LETM1: variants seen among roughly 807,000 people sequenced by gnomAD.
LETM1 encodes the protein leucine zipper and EF-hand containing transmembrane protein 1, also known as mitochondrial proton/calcium exchanger protein.
LETM1 carries 50 observed loss-of-function variants against 74.5 expected under a neutral mutation model. The ratio of observed to expected loss-of-function variants is 0.67; its 90% CI spans 0.53 to 0.85. LETM1 has a LOEUF of 0.85. Among genes scored for constraint, LETM1 ranks in the 40% least tolerant of loss-of-function variants. The pLI is 0.00. For synonymous variants in LETM1, 446 were observed against 407.1 expected, an observed-to-expected ratio of 1.10 and a Z score of -1.15; for missense variants, 824 against 967.8, an observed-to-expected ratio of 0.85 and a Z score of 1.97.
At chr4:1,815,579 C>CT in intron 13 of LETM1, 85 bp downstream of exon 13, 1 of 1,483,470 alleles carries the variant, frequency 6.7e-7, no homozygotes, top group Non-Finnish European at 9.2e-7. Context: ...CAGGAGGGTG[C>CT]CGGACATGCA....
chr4:1,815,527 G>C, intron 13 of LETM1, 137 bp downstream of exon 13: 2 of 789,532 alleles, frequency 2.5e-6, no homozygotes, highest in Middle Eastern at 3.8e-4. Context: ...AGGAGCAGTC[G>C]CAGTGACAGA....
At chr4:1,828,096 G>A (rs1260910999) in intron 6 of LETM1, among the ~76,000 whole-genome samples, 2 of 133,422 alleles carry the variant, frequency 1.5e-5, no homozygotes, top group Non-Finnish European at 3.2e-5. Flanking sequence ...GGGCAGGGGG[G>A]CTGACACCCC....
At chr4:1,819,637 C>T (rs990267909) in intron 10 of LETM1, among the ~76,000 whole-genome samples, 165 bp from the exon 11 acceptor site, 2 of 152,202 alleles carry the variant, frequency 1.3e-5, no homozygotes, top group African/African-American at 4.8e-5. Flanking sequence ...TTCACTGCTG[C>T]GCTGGCTGCT....
chr4:1,828,663 G>A (rs1166639468), intron 6 of LETM1, among the ~76,000 whole-genome samples: 16 of 137,388 alleles, frequency 1.2e-4, no homozygotes, highest in Non-Finnish European at 2.2e-4. Context: ...TCCCGGACGG[G>A]GCAGCTGGCT....
chr4:1,830,650 A>G (rs978303964), intron 6 of LETM1, among the ~76,000 whole-genome samples: 1 of 152,088 alleles, frequency 6.6e-6, no homozygotes, highest in Non-Finnish European at 1.5e-5. Flanking sequence ...TCTTCTCGCA[A>G]TATCTTTTAA....
At position 1,849,174 on chromosome 4, in the gene LETM1, T is replaced by C; in HGVS notation, c.118A>G (p.Ser40Gly). The C allele has an allele frequency of 6.2e-7, 1 of 1,613,524 alleles. No homozygotes were observed. The highest frequency in any genetic ancestry group is 1.1e-5 in the South Asian group (1 of 91,068). The change falls in exon 2 of 14, where the codon AGC (serine) becomes GGC (glycine). Residue 40 changes from serine (S) to glycine (G), a missense_variant. Ser to Gly is a moderately conservative substitution (Grantham distance 56). Coordinates refer to ENST00000302787, the MANE Select transcript of LETM1 (RefSeq NM_012318.3). ...AGGCAGTTCCTCAACCCCAGGGTGC[T>C]GGCACAGCTGAGATGAGCAGGATCC... ...PGDPAHLSCA[S>G]TLGLRNCLNV...
rs778382703 is a variant in LETM1, at chr4:1,823,685, C to T, written c.1291G>A (p.Asp431Asn). 19 of 1,613,816 alleles carry T rather than the reference C, an allele frequency of 1.2e-5. No individual in the cohort carries two copies. In the Admixed American group the frequency reaches 1.3e-4, roughly 11 times the overall value. ...GTCTGCAGTGTGGACTTGAGCTGGTCGGCTGGAGAGAGGGTGTCCGGGAGG... is the reference window on the plus strand; with the variant it reads ...GTCTGCAGTGTGGACTTGAGCTGGTTGGCTGGAGAGAGGGTGTCCGGGAGG... ...MYLPDTLSPA[D>N]QLKSTLQTLP... The change falls in exon 8 of 14, where the codon GAC (aspartate) becomes AAC (asparagine). Residue 431 changes from aspartate to asparagine, a missense_variant. By Grantham distance (23) the Asp-to-Asn change is conservative. Coordinates refer to ENST00000302787, the MANE Select transcript of LETM1 (RefSeq NM_012318.3).
Position 1,815,791 on chromosome 4 carries a change from A to AT in LETM1, c.1942dup (p.Ile648AsnfsTer5). The stretch of plus-strand genomic sequence containing the variant: ...GGCGTTGATGAGCTCAGCGACACTG[A>AT]TGACGTTCTCCCTGTGGAAGCACAG... On this transcript the variant is annotated frameshift_variant, in exon 13 of 14. Transcript: ENST00000302787. LOFTEE classifies it high-confidence loss of function. 3 of 1,614,104 alleles carry AT rather than the reference A, an allele frequency of 1.9e-6. No individual in the cohort carries two copies. The highest frequency in any genetic ancestry group is 2.5e-6 in the Non-Finnish European group (3 of 1,179,996).
chr4:1,828,422 A>G (rs1577316200), intron 6 of LETM1, among the ~76,000 whole-genome samples: 1 of 90,534 alleles, frequency 1.1e-5, no homozygotes, highest in Non-Finnish European at 2.1e-5. Context: ...GGCCGGGCAG[A>G]GGGGCTCCTC....
At position 1,834,441 on chromosome 4, in the gene LETM1, C is replaced by A; in HGVS notation, c.876+404G>T. The A allele has an allele frequency of 2.9e-6, 3 of 1,025,978 alleles. No homozygotes were observed. Among genetic ancestry groups the A allele is most frequent in the Non-Finnish European group, 3.5e-6 (3 of 855,158 alleles). 63.6% of individuals were successfully genotyped at this position (1,025,978 alleles called of 1,614,324 possible). ...GCCCCCACTGCTCCCACAGTCCAGG[C>A]CTCTGACCAGCCCCTGGGACCTGGG... On this transcript the variant is annotated intron_variant, in intron 5 of 13. Coordinates refer to ENST00000302787, the MANE Select transcript of LETM1 (RefSeq NM_012318.3). This position sits in a 1 kb window ranked among gnomAD's most constrained non-coding sequence, Gnocchi z 5.0.
chr4:1,819,859 G>A (rs1246672930), intron 10 of LETM1, among the ~76,000 whole-genome samples: 1 of 152,202 alleles, frequency 6.6e-6, no homozygotes, highest in East Asian at 1.9e-4. Flanking sequence ...ATCTTAGATA[G>A]ACGGATCATC....
chr4:1,814,550 T>C lies in LETM1; in HGVS notation c.2094A>G (p.Glu698=), dbSNP rs774320886. 1.1e-5 allele frequency: 17 copies of C among 1,613,754 alleles called. No homozygotes were observed. Among genetic ancestry groups the C allele is most frequent in the Non-Finnish European group, 1.4e-5 (17 of 1,179,802 alleles). ...LVKVIELVDK[E]DVHISTSQVA... is the part of the protein sequence containing the mutation. ...CCTGGCTGGTGGAGATGTGAACATC[T>C]TCTTTGTCCACCAGCTCAATCACCT... The change falls in exon 14 of 14, where the codon GAA becomes GAG. Residue 698 remains glutamate, a synonymous_variant. Coordinates refer to ENST00000302787, the MANE Select transcript of LETM1 (RefSeq NM_012318.3).
intron 6 of LETM1, among the ~76,000 whole-genome samples, chr4:1,828,513 C>A (rs1270232242): frequency 7.8e-6 from 1 of 127,984 alleles, no homozygotes; most frequent in African/African-American, 3.2e-5. Context: ...GGCTGACCCC[C>A]CCCCCCACCT....
Position 1,856,021 on chromosome 4 carries a change from C to G in LETM1, c.-71G>C, listed in dbSNP as rs2108860633. 9.6e-7 allele frequency: 1 copy of G among 1,039,020 alleles called. No homozygotes were observed. The highest frequency in any genetic ancestry group is 1.2e-6 in the Non-Finnish European group (1 of 822,560). The allele number at this position is 1,039,020 out of a possible 1,614,324, so 64.4% of individuals were successfully genotyped here. A position where few individuals can be genotyped will look rare whatever the true frequency, so the allele number is the denominator to read the frequency against. On this transcript the variant is annotated 5_prime_UTR_variant, in exon 1 of 14. Transcript: ENST00000302787. ...CTCCGCGGCGGCCGCGGCTCTTCGC[C>G]GTCCCGGCGGCGCTTCAGACCCGGC...
chr4:1,823,062 C>T lies in LETM1; in HGVS notation c.1402G>A (p.Ala468Thr). ...EQVDNKAKLE[A>T]TLQEEAAIQQ... Reference sequence around the variant, plus strand: ...ATGGCCGCCTCCTCCTGCAGCGTGGCCTCCAGCTTGGCCTTGTTGTCCACC... The same window carrying T: ...ATGGCCGCCTCCTCCTGCAGCGTGGTCTCCAGCTTGGCCTTGTTGTCCACC... Residue 468 changes from alanine (A) to threonine (T), a missense_variant, in exon 9 of 14, where the codon GCC becomes ACC. Around this residue, in one of 4 missense-constraint regions of LETM1, gnomAD observed 172 missense variants for 170.7 expected, o/e 1.01. Transcript: ENST00000302787. 6.2e-7 allele frequency: 1 copy of T among 1,610,468 alleles called. No individual in the cohort carries two copies. Among genetic ancestry groups the T allele is most frequent in the Non-Finnish European group, 8.5e-7 (1 of 1,177,998 alleles).
At chr4:1,835,053 C>T in intron 4 of LETM1, 71 bp from the exon 5 acceptor site, 1 of 1,493,456 alleles carries the variant, frequency 6.7e-7, no homozygotes, top group Non-Finnish European at 9.2e-7. Context: ...ACATCTCACG[C>T]CTGTGCCCGA....
Position 1,834,968 on chromosome 4 carries a change from C to T in LETM1, c.753G>A (p.Lys251=). ...ETQSLKEERL[K]KELRVKLELA... ...GCTCCAGCTTGACCCGAAGCTCCTT[C>T]TTCAGCCTCTCCTCCTGCAAGGGCA... The change falls in exon 5 of 14, where the codon AAG becomes AAA. Residue 251 remains lysine, a synonymous_variant. Transcript: ENST00000302787. The surrounding 1 kb of genome is among the most constrained non-coding windows in gnomAD (Gnocchi z 5.0). 6.2e-7 allele frequency: 1 copy of T among 1,614,072 alleles called. No homozygotes were observed. The highest frequency in any genetic ancestry group is 8.5e-7 in the Non-Finnish European group (1 of 1,179,988).
chr4:1,815,549 G>A, intron 13 of LETM1, 115 bp downstream of exon 13: 1 of 1,163,182 alleles, frequency 8.6e-7, no homozygotes, highest in East Asian at 2.5e-5. Context: ...CCAAACCCCT[G>A]ACAGGAGGGG....
intron 8 of LETM1, among the ~76,000 whole-genome samples, chr4:1,823,412 C>G (rs1405571097): frequency 6.6e-6 from 1 of 151,940 alleles, no homozygotes; most frequent in Non-Finnish European, 1.5e-5. Context: ...AACACGTGGC[C>G]AGGTCGGGAC....
Sources: gnomAD v4.1 joint callset for allele counts (sites outside exome capture counted in the v4.1 genomes callset) on GRCh38, gnomAD v4.1.1 for gene constraint, gnomAD v4.1.1 regional missense constraint, Gnocchi (gnomAD v3.1) non-coding constraint, MANE v1.5 for transcripts, NCBI Gene and HGNC (gene_info 2026-07-23, HGNC 2026-07-21) for gene names.